Variants in SNTG1 observed in about 807,000 individuals in gnomAD.
SNTG1 encodes the protein gamma-1-syntrophin.
A neutral mutation model predicts 74.7 loss-of-function variants in SNTG1; 39 were observed. The ratio of observed to expected loss-of-function variants is 0.52; its 90% CI spans 0.40 to 0.68. SNTG1 has a LOEUF of 0.68. SNTG1 is among the 30% of genes least tolerant of loss of function. The probability of loss-of-function intolerance (pLI) is 0.00; values close to 1 mark genes in which losing one functional copy is unlikely to be tolerated. For synonymous variants in SNTG1, 254 were observed against 217.1 expected (o/e 1.17, Z -1.49); for missense variants, 685 against 609.5 (o/e 1.12, Z -1.30).
At chr8:49,999,191 C>A (rs1413166483) in intron 1 of SNTG1, among the ~76,000 whole-genome samples, 1 of 152,144 alleles carries the variant, frequency 6.6e-6, no homozygotes, top group Non-Finnish European at 1.5e-5. Flanking sequence ...GATATCCAAA[C>A]CTAATACTTG....
intron 1 of SNTG1, among the ~76,000 whole-genome samples, chr8:49,958,670 T>C (rs981276459): frequency 6.6e-5 from 10 of 152,132 alleles, no homozygotes; most frequent in Non-Finnish European, 1.3e-4. Context: ...CCACCCGCCT[T>C]GGCCTCCCAA....
At chr8:50,069,439 T>A (rs1563547698) in intron 1 of SNTG1, among the ~76,000 whole-genome samples, 1 of 152,172 alleles carries the variant, frequency 6.6e-6, no homozygotes, top group Non-Finnish European at 1.5e-5. Flanking sequence ...ATCCACAGAA[T>A]ATTTACTGGC....
At chr8:50,184,465 A>G (rs1422598296) in intron 2 of SNTG1, among the ~76,000 whole-genome samples, 1 of 152,124 alleles carries the variant, frequency 6.6e-6, no homozygotes, top group Non-Finnish European at 1.5e-5. Flanking sequence ...TGCCCGGCCT[A>G]CATCTTAAAA....
intron 18 of SNTG1, among the ~76,000 whole-genome samples, chr8:50,763,886 C>G (rs1341220632): frequency 2.3e-5 from 3 of 128,170 alleles, no homozygotes; most frequent in Admixed American, 7.5e-5. Flanking sequence ...CACACACACA[C>G]ACACACACAC....
chr8:50,434,938 C>T (rs1264375658), intron 4 of SNTG1, among the ~76,000 whole-genome samples: 3 of 152,032 alleles, frequency 2.0e-5, no homozygotes, highest in Non-Finnish European at 4.4e-5. Context: ...TTCTTCCTAA[C>T]TTTTTTCCAT....
intron 17 of SNTG1, among the ~76,000 whole-genome samples, chr8:50,734,758 T>C (rs1481392744): frequency 8.6e-6 from 1 of 116,298 alleles, no homozygotes; most frequent in East Asian, 2.4e-4. Context: ...TATAGATATC[T>C]ATATATATGG....
At chr8:49,994,031 T>C (rs966879508) in intron 1 of SNTG1, among the ~76,000 whole-genome samples, 1 of 152,186 alleles carries the variant, frequency 6.6e-6, no homozygotes, top group African/African-American at 2.4e-5. Context: ...ATATCCATTA[T>C]ATAGTCTGTA....
At chr8:50,611,995 C>T (rs922769350) in intron 13 of SNTG1, among the ~76,000 whole-genome samples, 9 of 152,050 alleles carry the variant, frequency 5.9e-5, no homozygotes, top group Admixed American at 2.0e-4. Flanking sequence ...TGGGTTCAAA[C>T]GGTTCATCTG....
rs992678991 is a variant in SNTG1 at position 50,796,556 on chromosome 8, T to C, written c.*3727T>C. The C allele has an allele frequency of 6.6e-6, 1 of 152,018 alleles. No homozygotes were observed. Among genetic ancestry groups the C allele is most frequent in the Non-Finnish European group, 1.5e-5 (1 of 67,942 alleles). The allele number at this position is 152,018 out of a possible 1,614,324, so 9.4% of individuals were successfully genotyped here. ...TTTCATTTTTAATTGTTTTGGTGGA[T>C]GTTTGTAAAATGTAAATTAATATCT... On this transcript the variant is annotated 3_prime_UTR_variant, in exon 19 of 19. Coordinates refer to ENST00000642720, the MANE Select transcript of SNTG1 (RefSeq NM_018967.5).
chr8:50,463,314 C>G (rs1353410103), intron 8 of SNTG1, among the ~76,000 whole-genome samples: 1 of 152,026 alleles, frequency 6.6e-6, no homozygotes, highest in Non-Finnish European at 1.5e-5. Context: ...GAATCCTGTC[C>G]AGAAGGTTTT....
At chr8:50,498,546 G>T (rs2093923876) in intron 8 of SNTG1, among the ~76,000 whole-genome samples, 1 of 151,796 alleles carries the variant, frequency 6.6e-6, no homozygotes, top group Non-Finnish European at 1.5e-5. Context: ...CAAAGTTTGT[G>T]ACTTTCTTAA....
At chr8:50,525,952 CTT>C (rs1351774274) in intron 9 of SNTG1, among the ~76,000 whole-genome samples, 1 of 151,814 alleles carries the variant, frequency 6.6e-6, no homozygotes, top group African/African-American at 2.4e-5. Flanking sequence ...AGCCATGTCT[CTT>C]AGACTTTTTC....
chr8:50,472,675 A>G (rs550761665), intron 8 of SNTG1, among the ~76,000 whole-genome samples: 1 of 152,252 alleles, frequency 6.6e-6, no homozygotes, highest in Admixed American at 6.5e-5. Flanking sequence ...AAATTGTACT[A>G]AATCAAAATG....
At chr8:49,943,302 C>T (rs1263863204) in intron 1 of SNTG1, among the ~76,000 whole-genome samples, 1 of 152,028 alleles carries the variant, frequency 6.6e-6, no homozygotes, top group Non-Finnish European at 1.5e-5. Flanking sequence ...AGTGGAGAAA[C>T]TGGCCAATTA....
At chr8:50,303,008 A>C (rs1362739629) in intron 2 of SNTG1, among the ~76,000 whole-genome samples, 1 of 152,208 alleles carries the variant, frequency 6.6e-6, no homozygotes, top group Non-Finnish European at 1.5e-5. Context: ...ATAACTAATG[A>C]ATGTATTCAT....
chr8:50,329,019 A>G (rs1165378359), intron 2 of SNTG1, among the ~76,000 whole-genome samples: 1 of 152,214 alleles, frequency 6.6e-6, no homozygotes, highest in Non-Finnish European at 1.5e-5. Flanking sequence ...AAAGAGCTAT[A>G]AGTCCCATGT....
chr8:50,042,455 T>A (rs1236825677), intron 1 of SNTG1, among the ~76,000 whole-genome samples: 2 of 152,186 alleles, frequency 1.3e-5, no homozygotes. Flanking sequence ...CAGCTACAGT[T>A]GAGACTGAGG....
chr8:50,513,990 C>T (rs1369333934), intron 9 of SNTG1, among the ~76,000 whole-genome samples: 1 of 152,210 alleles, frequency 6.6e-6, no homozygotes, highest in Non-Finnish European at 1.5e-5. Context: ...CAGGAATCAC[C>T]CGTCTTCTGC....
At chr8:50,020,042 A>G (rs1205753146) in intron 1 of SNTG1, among the ~76,000 whole-genome samples, 1 of 152,160 alleles carries the variant, frequency 6.6e-6, no homozygotes, top group Non-Finnish European at 1.5e-5. Context: ...AAAAAAAATC[A>G]GGAACTAATT....
Sources: allele counts gnomAD v4.1 joint callset (sites outside exome capture counted in the v4.1 genomes callset), GRCh38; gene constraint gnomAD v4.1.1; transcripts MANE v1.5; gene names NCBI Gene and HGNC (gene_info 2026-07-23, HGNC 2026-07-21).